The following KIAA1217 variants were observed in gnomAD, a reference collection of about 807,000 sequenced individuals.
KIAA1217 encodes the protein sickle tail protein homolog.
A neutral mutation model predicts 163.9 loss-of-function variants in KIAA1217; 88 were observed. The observed-to-expected ratio is 0.54, with a 90% CI of 0.45 to 0.64. The LOEUF is 0.64. Among genes scored for constraint, KIAA1217 ranks in the 30% least tolerant of loss-of-function variants. The probability of loss-of-function intolerance (pLI) is 0.00; values close to 1 mark genes in which losing one functional copy is unlikely to be tolerated. For synonymous variants in KIAA1217, 903 were observed against 923.1 expected (o/e 0.98, Z 0.39); for missense variants, 2,372 against 2,475.0 (o/e 0.96, Z 0.88).
intron 1 of KIAA1217, among the ~76,000 whole-genome samples, chr10:23,979,703 T>C (rs1589175585): frequency 6.6e-6 from 1 of 152,174 alleles, no homozygotes; most frequent in Admixed American, 6.5e-5. Flanking sequence ...CAGGCTTGTC[T>C]GCCTTCTGCC....
At chr10:24,306,136 T>C (rs2041981979) in intron 2 of KIAA1217, among the ~76,000 whole-genome samples, 1 of 152,180 alleles carries the variant, frequency 6.6e-6, no homozygotes, top group Non-Finnish European at 1.5e-5. Flanking sequence ...TCAGAAAATA[T>C]ACATGCTATT....
At chr10:24,198,549 C>T (rs369652383) in intron 2 of KIAA1217, among the ~76,000 whole-genome samples, 25 of 144,050 alleles carry the variant, frequency 1.7e-4, no homozygotes, top group African/African-American at 6.3e-4. Context: ...GCAGAGGTTG[C>T]AGTGAGCCAA....
At chr10:23,968,808 A>G (rs760257707) in intron 1 of KIAA1217, among the ~76,000 whole-genome samples, 2 of 152,206 alleles carry the variant, frequency 1.3e-5, no homozygotes, top group Admixed American at 6.5e-5. Context: ...TCAATACTTA[A>G]TTCCTTTTTA....
At chr10:24,475,626 G>A (rs1157787785) in intron 6 of KIAA1217, among the ~76,000 whole-genome samples, 1 of 152,176 alleles carries the variant, frequency 6.6e-6, no homozygotes, top group Non-Finnish European at 1.5e-5. Context: ...ATAAGGATTG[G>A]AAAATAGTAT....
Position 24,200,743 on chromosome 10 carries a change from G to T in KIAA1217, c.-170-18883G>T, listed in dbSNP as rs372261529. On this transcript the variant is annotated intron_variant, in intron 2 of 18. Transcript: ENST00000376462. ...CTTGTCCAACCCGGGGAGCATCTGA[G>T]CTCTTCCAGCTGAGCCTACTGATTG... 2.8e-4 allele frequency among the ~76,000 whole-genome samples: 42 copies of T among 152,260 alleles called. 1 individual carries two copies. The highest frequency in any genetic ancestry group is 9.6e-4 in the African/African-American group (40 of 41,548).
chr10:24,360,370 G>A (rs1172224402), intron 2 of KIAA1217, among the ~76,000 whole-genome samples: 3 of 152,004 alleles, frequency 2.0e-5, no homozygotes, highest in Non-Finnish European at 2.9e-5. Flanking sequence ...ATTTCCCAAC[G>A]TTTGGTCTTG....
intron 2 of KIAA1217, among the ~76,000 whole-genome samples, chr10:24,110,855 G>T (rs1192589771): frequency 6.6e-6 from 1 of 152,202 alleles, no homozygotes; most frequent in East Asian, 1.9e-4. Context: ...TTTCCTCAAA[G>T]TGCATATTAA....
At chr10:24,489,259 A>G (rs1295348897) in intron 6 of KIAA1217, among the ~76,000 whole-genome samples, 1 of 151,892 alleles carries the variant, frequency 6.6e-6, no homozygotes, top group Admixed American at 6.6e-5. Context: ...AAAAAGTTCT[A>G]TAAATGGAGT....
At chr10:23,777,523 C>T (rs542383562) in intron 1 of KIAA1217, among the ~76,000 whole-genome samples, 1 of 152,266 alleles carries the variant, frequency 6.6e-6, no homozygotes, top group East Asian at 1.9e-4. Flanking sequence ...AAAGGCTAAT[C>T]CATAATCAAA....
chr10:24,387,957 A>G (rs962380565), intron 3 of KIAA1217, among the ~76,000 whole-genome samples: 2 of 152,284 alleles, frequency 1.3e-5, no homozygotes, highest in East Asian at 1.9e-4. Flanking sequence ...AAGAGTCAAT[A>G]TTGTGAAAAT....
intron 2 of KIAA1217, among the ~76,000 whole-genome samples, chr10:24,272,998 T>A (rs2076917166): frequency 6.6e-6 from 1 of 152,226 alleles, no homozygotes; most frequent in South Asian, 2.1e-4. Flanking sequence ...CGTAAAAGTC[T>A]GTGCCCTTCT....
chr10:24,480,651 A>G (rs559131539), intron 6 of KIAA1217, among the ~76,000 whole-genome samples: 1 of 152,316 alleles, frequency 6.6e-6, no homozygotes, highest in African/African-American at 2.4e-5. Flanking sequence ...GAGAGTTTCT[A>G]GTTTGAGCAA....
chr10:24,230,851 G>A (rs2071311762), intron 2 of KIAA1217, among the ~76,000 whole-genome samples: 1 of 152,142 alleles, frequency 6.6e-6, no homozygotes, highest in Admixed American at 6.6e-5. Flanking sequence ...AACAGAATGG[G>A]AAACTGAGGC....
chr10:23,809,633 A>G (rs1588865020), intron 1 of KIAA1217, among the ~76,000 whole-genome samples: 1 of 151,904 alleles, frequency 6.6e-6, no homozygotes, highest in Admixed American at 6.6e-5. Context: ...CCTTTCACAA[A>G]TAATCTATAA....
chr10:24,466,164 T>C (rs1448287330), intron 5 of KIAA1217, among the ~76,000 whole-genome samples: 1 of 152,082 alleles, frequency 6.6e-6, no homozygotes, highest in Non-Finnish European at 1.5e-5. Context: ...AAGTGGGTAT[T>C]GGGTGCTGGT....
At chr10:23,988,316 G>A (rs758423106) in intron 1 of KIAA1217, among the ~76,000 whole-genome samples, 8 of 152,196 alleles carry the variant, frequency 5.3e-5, no homozygotes, top group East Asian at 3.9e-4. Context: ...ACTTTAAGGC[G>A]TTCCTATAAT....
chr10:23,935,247 A>C (rs1360872616), intron 1 of KIAA1217, among the ~76,000 whole-genome samples: 1 of 152,234 alleles, frequency 6.6e-6, no homozygotes, highest in Non-Finnish European at 1.5e-5. Context: ...AATATGGATA[A>C]GGAAGCACTT....
At chr10:24,520,000 A>C in intron 10 of KIAA1217, 123 bp from the exon 11 acceptor site, 11 of 1,125,040 alleles carry the variant, frequency 9.8e-6, no homozygotes, top group Non-Finnish European at 1.4e-5. Flanking sequence ...CACCACACGA[A>C]AGGCAGGGGG....
chr10:24,521,220 G>A (rs2071224805), intron 11 of KIAA1217, among the ~76,000 whole-genome samples: 1 of 151,536 alleles, frequency 6.6e-6, no homozygotes, highest in South Asian at 2.1e-4. Context: ...TGTAGTCCCA[G>A]CTACTCAGCT....
Sources: allele counts gnomAD v4.1 joint callset (sites outside exome capture counted in the v4.1 genomes callset), GRCh38; gene constraint gnomAD v4.1.1; transcripts MANE v1.5; gene names NCBI Gene and HGNC (gene_info 2026-07-23, HGNC 2026-07-21).